TNRC18: variants seen among roughly 807,000 people sequenced by gnomAD.
The protein encoded by TNRC18 is trinucleotide repeat-containing gene 18 protein.
A neutral mutation model predicts 226.7 loss-of-function variants in TNRC18; 69 were observed. The ratio of observed to expected loss-of-function variants is 0.30; its 90% CI spans 0.25 to 0.37. The LOEUF is 0.37. TNRC18 is among the 10% of genes least tolerant of loss of function. The probability of loss-of-function intolerance (pLI) is 1.00; values close to 1 mark genes in which losing one functional copy is unlikely to be tolerated. For synonymous variants in TNRC18, 2,449 were observed against 1,927.6 expected, an observed-to-expected ratio of 1.27 and a Z score of -7.09; for missense variants, 4,754 against 4,256.6, an observed-to-expected ratio of 1.12 and a Z score of -3.25.
chr7:5,420,351 G>T, intron 2 of TNRC18: 2 of 455,992 alleles, frequency 4.4e-6, no homozygotes, highest in Non-Finnish European at 8.8e-6. Flanking sequence ...GGACCGCGAT[G>T]GTCCGGTTTC....
rs1179097188 is a variant in TNRC18 at position 5,332,796 on chromosome 7, G to C, written c.5973C>G (p.Asp1991Glu). 1.3e-6 allele frequency: 2 copies of C among 1,512,668 alleles called. No homozygotes were observed. Among genetic ancestry groups the C allele is most frequent in the South Asian group, 2.4e-5 (2 of 81,888 alleles). The allele number at this position is 1,512,668 out of a possible 1,614,324, so 93.7% of individuals were successfully genotyped here. A position where few individuals can be genotyped will look rare whatever the true frequency, so the allele number is the denominator to read the frequency against. The change falls in exon 19 of 30, where the codon GAC (aspartate) becomes GAG (glutamate). Residue 1991 changes from aspartate (D) to glutamate (E), a missense_variant. Transcript: ENST00000430969. ...CGCTGCGGCGCCGCGTCCACAGGTC[G>C]TCGTCGCTGGCCTCGGGCCCCGCCT... ...GFEAGPEASD[D>E]DLWTRRRSER...
At chr7:5,390,101 C>T (rs1025001071) in intron 4 of TNRC18, 3 of 375,180 alleles carry the variant, frequency 8.0e-6, no homozygotes, top group East Asian at 8.4e-5. Context: ...CAATGGCTCA[C>T]ATCTGTAATC....
In TNRC18 at chr7:5,377,993, G is replaced by A. The variant is rs766749471; in HGVS notation, c.2184C>T (p.Asp728=). 1.3e-5 allele frequency: 21 copies of A among 1,612,518 alleles called. No individual in the cohort carries two copies. Among genetic ancestry groups the A allele is most frequent in the Middle Eastern group, 1.6e-4 (1 of 6,074 alleles). Residue 728 remains aspartate, a synonymous_variant, in exon 6 of 30, where the codon GAC becomes GAT. Coordinates refer to ENST00000430969, the MANE Select transcript of TNRC18 (RefSeq NM_001080495.3). The surrounding 1 kb of genome is among the most constrained non-coding windows in gnomAD (Gnocchi z 5.8). ...GTTCCTCCCGGTGTCTGGCCCGGTC[G>A]TCCACACAGTCCTCATCTGCTCGGC... The part of the protein sequence containing the change: ...GHGRADEDCV[D]DRARHREERL...
At chr7:5,333,444 C>A (rs1291394360) in intron 18 of TNRC18, among the ~76,000 whole-genome samples, 1 of 152,228 alleles carries the variant, frequency 6.6e-6, no homozygotes. Context: ...AATCCCCAAG[C>A]CCCGCTCGCC....
rs1787271997 is a variant in TNRC18 at position 5,312,029 on chromosome 7, G to A, written c.8388+474C>T. On this transcript the variant is annotated intron_variant, in intron 27 of 29. Coordinates refer to ENST00000430969, the MANE Select transcript of TNRC18 (RefSeq NM_001080495.3). This position sits in a 1 kb window ranked among gnomAD's most constrained non-coding sequence, Gnocchi z 6.3. Reference sequence around the variant, plus strand: ...CGTGCGCCTGTAATCCCAGCTACTTGGGAGGCTGACGCAGGAGAATTGCTT... The same window carrying A: ...CGTGCGCCTGTAATCCCAGCTACTTAGGAGGCTGACGCAGGAGAATTGCTT... 6.6e-6 allele frequency among the ~76,000 whole-genome samples: 1 copy of A among 152,214 alleles called. No homozygotes were observed. Among genetic ancestry groups the A allele is most frequent in the South Asian group, 2.1e-4 (1 of 4,816 alleles).
At chr7:5,376,292 G>A in intron 8 of TNRC18, 68 bp from the exon 9 acceptor site, 1 of 1,319,858 alleles carries the variant, frequency 7.6e-7, no homozygotes, top group Non-Finnish European at 1.0e-6. Flanking sequence ...ATTACGAGGG[G>A]AAGCTGAAGC....
intron 1 of TNRC18, chr7:5,422,783 C>CT (rs1331121779): frequency 1.3e-5 from 2 of 152,302 alleles, no homozygotes. Context: ...CCCTCCCTCT[C>CT]TCCCATCAGG....
At position 5,308,056 on chromosome 7, in the gene TNRC18, G is replaced by A. The variant is rs1174197664; in HGVS notation, c.*50C>T. 3.3e-6 allele frequency: 5 copies of A among 1,501,076 alleles called. No homozygotes were observed. The East Asian group carries it at 9.9e-5, about 30-fold the overall frequency. 93.0% of individuals were successfully genotyped at this position (1,501,076 alleles called of 1,614,324 possible). The stretch of plus-strand genomic sequence containing the variant: ...TCCGCGCCATGGCAGTGATGGAGAT[G>A]GGTCCCTGGCCGCCCTCGGGGCACA... On this transcript the variant is annotated 3_prime_UTR_variant, in exon 30 of 30. Coordinates refer to ENST00000430969, the MANE Select transcript of TNRC18 (RefSeq NM_001080495.3).
chr7:5,345,647 G>C lies in TNRC18; in HGVS notation c.5634C>G (p.Ser1878Arg), dbSNP rs1791108363. 6.4e-7 allele frequency: 1 copy of C among 1,555,880 alleles called. No homozygotes were observed. Among genetic ancestry groups the C allele is most frequent in the Non-Finnish European group, 8.7e-7 (1 of 1,149,972 alleles). Reference sequence around the variant, plus strand: ...CAGACAGGGATGGACCCACCGTGGGGCTGGGGAGGGCGCTGGCGGCGAAGC... The same window carrying C: ...CAGACAGGGATGGACCCACCGTGGGCCTGGGGAGGGCGCTGGCGGCGAAGC... Reference protein sequence around the residue: ...LARFAASALPSPTVGPSLSVV... With the variant: ...LARFAASALPRPTVGPSLSVV... The change falls in exon 18 of 30, where the codon AGC becomes AGG. Residue 1878 changes from serine to arginine, a missense_variant. Coordinates refer to ENST00000430969, the MANE Select transcript of TNRC18 (RefSeq NM_001080495.3).
At chr7:5,392,713 A>G (rs1780388613) in intron 3 of TNRC18, among the ~76,000 whole-genome samples, 1 of 152,028 alleles carries the variant, frequency 6.6e-6, no homozygotes, top group Non-Finnish European at 1.5e-5. Flanking sequence ...AAATGGACCT[A>G]ATGGGCTTAA....
At chr7:5,326,239 C>T (rs980901203) in intron 19 of TNRC18, among the ~76,000 whole-genome samples, 1 of 151,440 alleles carries the variant, frequency 6.6e-6, no homozygotes, top group Non-Finnish European at 1.5e-5. Context: ...CAACCATGCA[C>T]ACACAGTATT....
At position 5,377,362 on chromosome 7, in the gene TNRC18, C is replaced by G. The variant is rs1276204435; in HGVS notation, c.2461+9G>C. On this transcript the variant is annotated intron_variant, in intron 7 of 29. Coordinates refer to ENST00000430969, the MANE Select transcript of TNRC18 (RefSeq NM_001080495.3). This position sits in a 1 kb window ranked among gnomAD's most constrained non-coding sequence, Gnocchi z 5.8. The stretch of plus-strand genomic sequence containing the variant: ...AGAGAAGGGGAGAGACCCTGTGCCC[C>G]ACACTCACCGTAGGGGTGTCCAGCG... The G allele has an allele frequency of 1.0e-5, 16 of 1,548,232 alleles. No individual in the cohort carries two copies. The highest frequency in any genetic ancestry group is 1.3e-5 in the Non-Finnish European group (15 of 1,144,880).
chr7:5,380,546 G>C (rs2128184898), intron 5 of TNRC18, among the ~76,000 whole-genome samples: 1 of 152,360 alleles, frequency 6.6e-6, no homozygotes, highest in Admixed American at 6.5e-5. Context: ...CGAGTGTACG[G>C]AGGGACAGCC....
At chr7:5,323,567 A>AGTTTTTTT (rs1788597057) in intron 21 of TNRC18, among the ~76,000 whole-genome samples, 1 of 25,526 alleles carries the variant, frequency 3.9e-5, no homozygotes, top group Non-Finnish European at 8.3e-5. Context: ...AGCACCAGAC[A>AGTTTTTTT]GTTTTTTTTT....
chr7:5,371,155 C>A lies in TNRC18; in HGVS notation c.3439G>T (p.Gly1147Cys). The stretch of plus-strand genomic sequence containing the variant: ...TCAGCCAGCGGTTCTTCCTCCGGGC[C>A]CTCCCGCAGCGGCTCTGTGATCTTG... ...PSKITEPLRE[G>C]PEEEPLAERE... Residue 1147 changes from glycine to cysteine, a missense_variant, in exon 11 of 30, where the codon GGC becomes TGC. Transcript: ENST00000430969. The A allele has an allele frequency of 6.2e-7, 1 of 1,608,866 alleles. No individual in the cohort carries two copies. The highest frequency in any genetic ancestry group is 8.5e-7 in the Non-Finnish European group (1 of 1,176,452).
At chr7:5,325,416 G>C in intron 19 of TNRC18, 168 bp from the exon 20 acceptor site, 1 of 746,056 alleles carries the variant, frequency 1.3e-6, no homozygotes, top group Non-Finnish European at 2.0e-6. Flanking sequence ...TTTTGGTTTT[G>C]GGTTTTTTTT....
chr7:5,339,181 G>T (rs778458058), intron 18 of TNRC18, among the ~76,000 whole-genome samples: 1 of 150,406 alleles, frequency 6.6e-6, no homozygotes, highest in Non-Finnish European at 1.5e-5. Flanking sequence ...GCCCATATAA[G>T]ATGGGAAACT....
intron 2 of TNRC18, among the ~76,000 whole-genome samples, chr7:5,411,908 G>A (rs1180604720): frequency 1.3e-5 from 2 of 152,122 alleles, no homozygotes; most frequent in African/African-American, 4.8e-5. Flanking sequence ...AGGCTGGCTG[G>A]GCATGGTAAC....
intron 5 of TNRC18, among the ~76,000 whole-genome samples, chr7:5,384,399 C>A (rs1436010246): frequency 2.0e-5 from 3 of 152,196 alleles, no homozygotes; most frequent in Non-Finnish European, 4.4e-5. Context: ...CCATACCCAG[C>A]CCCCAACCAG....
Sources: allele counts gnomAD v4.1 joint callset (sites outside exome capture counted in the v4.1 genomes callset), GRCh38; gene constraint gnomAD v4.1.1; non-coding constraint Gnocchi (gnomAD v3.1); transcripts MANE v1.5; gene names NCBI Gene and HGNC (gene_info 2026-07-23, HGNC 2026-07-21).